The following PDCD6IP variants were observed in gnomAD, a reference collection of about 807,000 sequenced individuals.
PDCD6IP encodes programmed cell death 6 interacting protein.
Under a neutral mutation model 103.7 loss-of-function variants are expected in PDCD6IP, and 43 were observed. The ratio of observed to expected loss-of-function variants is 0.41; its 90% confidence interval spans 0.32 to 0.53. PDCD6IP has a LOEUF of 0.53. Ranked by LOEUF, PDCD6IP falls within the 20% of genes least tolerant of loss-of-function variation. PDCD6IP has a pLI of 0.16. For missense variants in PDCD6IP, 871 were observed against 1,036.7 expected (o/e 0.84, Z 2.20); for synonymous variants, 354 against 378.7 (o/e 0.93, Z 0.76).
At chr3:33,828,814 G>A in intron 6 of PDCD6IP, 39 bp from the exon 7 acceptor site, 3 of 1,608,922 alleles carry the variant, frequency 1.9e-6, no homozygotes, top group Non-Finnish European at 2.5e-6. Flanking sequence ...GGTGGTTTGT[G>A]TGGTTGGACT....
At chr3:33,851,576 A>G (rs375459959) in intron 12 of PDCD6IP, among the ~76,000 whole-genome samples, 1 of 151,922 alleles carries the variant, frequency 6.6e-6, no homozygotes, top group Admixed American at 6.5e-5. Flanking sequence ...GGCTGAAGCA[A>G]TTCTCCTGCC....
At chr3:33,832,320 A>G (rs1244404161) in intron 7 of PDCD6IP, among the ~76,000 whole-genome samples, 1 of 152,112 alleles carries the variant, frequency 6.6e-6, no homozygotes, top group Non-Finnish European at 1.5e-5. Flanking sequence ...TCTAAACCCC[A>G]TTATTTTCCA....
Position 33,866,436 on chromosome 3 carries a change from A to AGTCCTGGACAGGCTCCAT in PDCD6IP, c.2519_2536dup (p.Pro845_Tyr846insCysProGlyGlnAlaPro), listed in dbSNP as rs1698066753. ...GCCATATCCACCAGTGTATCACCAG[A>AGTCCTGGACAGGCTCCAT]GTCCTGGACAGGCTCCATACCCGGG... On this transcript the variant is annotated inframe_insertion, in exon 18 of 18. Coordinates refer to ENST00000307296, the MANE Select transcript of PDCD6IP (RefSeq NM_013374.6). 6.2e-7 allele frequency: 1 copy of AGTCCTGGACAGGCTCCAT among 1,611,522 alleles called. No individual in the cohort carries two copies. The highest frequency in any genetic ancestry group is 8.5e-7 in the Non-Finnish European group (1 of 1,179,054).
At chr3:33,843,226 T>G (rs1697515523) in intron 10 of PDCD6IP, among the ~76,000 whole-genome samples, 1 of 152,272 alleles carries the variant, frequency 6.6e-6, no homozygotes, top group South Asian at 2.1e-4. Context: ...GTTTTAAAAA[T>G]TCATCCACTG....
intron 1 of PDCD6IP, among the ~76,000 whole-genome samples, chr3:33,799,715 C>T (rs922122825): frequency 6.6e-6 from 1 of 152,104 alleles, no homozygotes; most frequent in African/African-American, 2.4e-5. Flanking sequence ...TTTTGCATAC[C>T]TTGTTAATCT....
chr3:33,823,474 A>G (rs1252590031), intron 4 of PDCD6IP, among the ~76,000 whole-genome samples: 3 of 152,242 alleles, frequency 2.0e-5, no homozygotes, highest in Non-Finnish European at 4.4e-5. Flanking sequence ...GAGGCTATAC[A>G]TGGCAAATAT....
intron 15 of PDCD6IP, among the ~76,000 whole-genome samples, chr3:33,857,190 A>AC (rs1697848190): frequency 6.6e-6 from 1 of 151,472 alleles, no homozygotes; most frequent in South Asian, 2.1e-4. Flanking sequence ...AAAAAAGGTG[A>AC]TTTTTTTTTA....
chr3:33,820,968 C>A (rs1271193716), intron 3 of PDCD6IP, among the ~76,000 whole-genome samples: 1 of 151,900 alleles, frequency 6.6e-6, no homozygotes, highest in African/African-American at 2.4e-5. Flanking sequence ...ATTTTGAGGA[C>A]CTGCCATATT....
intron 8 of PDCD6IP, 117 bp from the exon 9 acceptor site, chr3:33,838,087 A>G (rs1322863500): frequency 1.1e-6 from 1 of 897,456 alleles, no homozygotes; most frequent in Non-Finnish European, 1.7e-6. Flanking sequence ...TTTAAATGTC[A>G]ATAGACAATA....
chr3:33,828,824 T>A (rs777244220), intron 6 of PDCD6IP, 29 bp from the exon 7 acceptor site: 1 of 1,610,916 alleles, frequency 6.2e-7, no homozygotes, highest in Non-Finnish European at 8.5e-7. Flanking sequence ...GTGGTTGGAC[T>A]CTCCCCTGGT....
At position 33,845,416 on chromosome 3, in the gene PDCD6IP, C is replaced by A; in HGVS notation, c.1472-3C>A. 6.2e-7 allele frequency: 1 copy of A among 1,609,576 alleles called. No individual in the cohort carries two copies. The highest frequency in any genetic ancestry group is 2.2e-5 in the East Asian group (1 of 44,730). ...TGCTCTGCAAACTTTTATTTTCTCC[C>A]AGAGGGAACCAACTTCAGAACAGTT... On this transcript the variant is annotated splice_polypyrimidine_tract_variant and splice_region_variant and intron_variant, in intron 11 of 17. Coordinates refer to ENST00000307296, the MANE Select transcript of PDCD6IP (RefSeq NM_013374.6).
At chr3:33,816,830 T>C (rs769826190) in intron 3 of PDCD6IP, among the ~76,000 whole-genome samples, 2 of 152,160 alleles carry the variant, frequency 1.3e-5, no homozygotes, top group African/African-American at 2.4e-5. Flanking sequence ...AGTATTGTTA[T>C]GACTTAAGAA....
At chr3:33,822,423 T>C (rs1311962552) in intron 4 of PDCD6IP, among the ~76,000 whole-genome samples, 2 of 152,162 alleles carry the variant, frequency 1.3e-5, no homozygotes, top group East Asian at 3.9e-4. Context: ...TTAAAAAAAA[T>C]TTGTACATTA....
chr3:33,862,894 A>C (rs1194170035), intron 15 of PDCD6IP, among the ~76,000 whole-genome samples: 1 of 152,158 alleles, frequency 6.6e-6, no homozygotes, highest in Admixed American at 6.5e-5. Context: ...TTACTTGCCC[A>C]GTTTGACACG....
At position 33,814,289 on chromosome 3, in the gene PDCD6IP, C is replaced by T. The variant is rs139064457; in HGVS notation, c.334+661C>T. The stretch of plus-strand genomic sequence containing the variant: ...TACCTCAGCTGGGATTACAAGCACC[C>T]GCCACCACACCTGGGTAATTTTTTT... On this transcript the variant is annotated intron_variant, in intron 3 of 17. Coordinates refer to ENST00000307296, the MANE Select transcript of PDCD6IP (RefSeq NM_013374.6). Among the ~76,000 whole-genome samples the T allele has an allele frequency of 4.7e-4, 71 of 151,938 alleles. 1 individual carries two copies. Among genetic ancestry groups the T allele is most frequent in the Middle Eastern group, 3.4e-3 (1 of 294 alleles).
At chr3:33,821,176 A>T (rs77292078) in intron 3 of PDCD6IP, among the ~76,000 whole-genome samples, 1 of 144,280 alleles carries the variant, frequency 6.9e-6, no homozygotes, top group Non-Finnish European at 1.5e-5. Flanking sequence ...TTTAAAAACA[A>T]TTTTTTTTTT....
Position 33,864,052 on chromosome 3 carries a change from C to T in PDCD6IP, c.2167C>T (p.Pro723Ser), listed in dbSNP as rs1467226462. 1 of 1,613,916 alleles carries T rather than the reference C, an allele frequency of 6.2e-7. No homozygotes were observed. The highest frequency in any genetic ancestry group is 2.2e-5 in the East Asian group (1 of 44,892). ...CAGAGAACCTAGTGCTCCTTCAATT[C>T]CTACACCTGCGTATCAGTCCTCACC... ...IAREPSAPSI[P>S]TPAYQSSPAG... The change falls in exon 16 of 18, where the codon CCT (proline) becomes TCT (serine). Residue 723 changes from proline (P) to serine (S), a missense_variant. Transcript: ENST00000307296.
Position 33,836,671 on chromosome 3 carries a change from C to G in PDCD6IP, c.1057+405C>G, listed in dbSNP as rs1475144546. On this transcript the variant is annotated intron_variant, in intron 8 of 17. Transcript: ENST00000307296. ...AGGAGTTAGAGACCAGCCTGAGCAA[C>G]TGGCAAAACCCTGTCTCTACCAAAA... Among the ~76,000 whole-genome samples, 19 of 147,024 alleles carry G rather than the reference C, an allele frequency of 1.3e-4. No individual in the cohort carries two copies. In the Admixed American group the frequency reaches 1.3e-3, roughly 10 times the overall value.
intron 12 of PDCD6IP, among the ~76,000 whole-genome samples, chr3:33,852,255 G>A (rs1383202033): frequency 1.3e-5 from 2 of 152,136 alleles, no homozygotes; most frequent in Non-Finnish European, 2.9e-5. Flanking sequence ...ACACATAAGA[G>A]TTCAGTAAAT....
Sources: gnomAD v4.1 joint callset for allele counts (sites outside exome capture counted in the v4.1 genomes callset) on GRCh38, gnomAD v4.1.1 for gene constraint, MANE v1.5 for transcripts, NCBI Gene and HGNC (gene_info 2026-07-23, HGNC 2026-07-21) for gene names.